Variants in EPHA5 observed in about 807,000 individuals in gnomAD.
The protein encoded by EPHA5 is EPH receptor A5, also known as ephrin type-A receptor 5.
A neutral mutation model predicts 105.0 loss-of-function variants in EPHA5; 60 were observed. That is an observed-to-expected ratio of 0.57 (90% CI 0.46 to 0.71). The LOEUF (loss-of-function observed/expected upper bound fraction) is 0.71. Ranked by LOEUF, EPHA5 falls within the 30% of genes least tolerant of loss-of-function variation. The pLI, the probability that EPHA5 is intolerant of heterozygous loss-of-function variation, is 0.00. For synonymous variants in EPHA5, 513 were observed against 449.1 expected, an observed-to-expected ratio of 1.14 and a Z score of -1.80; for missense variants, 1,218 against 1,274.7, an observed-to-expected ratio of 0.96 and a Z score of 0.68.
chr4:65,523,288 T>G (rs539649901), intron 3 of EPHA5, among the ~76,000 whole-genome samples: 1 of 152,072 alleles, frequency 6.6e-6, no homozygotes, highest in African/African-American at 2.4e-5. Flanking sequence ...TGCTCCGTGC[T>G]TCTTTAAGTA....
chr4:65,631,874 A>C (rs1167480205), intron 2 of EPHA5, among the ~76,000 whole-genome samples: 1 of 152,094 alleles, frequency 6.6e-6, no homozygotes, highest in Non-Finnish European at 1.5e-5. Flanking sequence ...ATTAATTTAT[A>C]TTGATTTTAA....
At chr4:65,574,034 G>C (rs1740526994) in intron 3 of EPHA5, 4 of 1,599,446 alleles carry the variant, frequency 2.5e-6, no homozygotes, top group Non-Finnish European at 3.4e-6. Flanking sequence ...GAACACACCA[G>C]AAATTTGTCA....
At chr4:65,376,195 TTAGAAATCTTTTC>T (rs1718986717) in intron 8 of EPHA5, among the ~76,000 whole-genome samples, 1 of 151,968 alleles carries the variant, frequency 6.6e-6, no homozygotes, top group Non-Finnish European at 1.5e-5. Flanking sequence ...CTAACATGCA[TTAGAAATCTTTTC>T]TTGGCAAATT....
intron 3 of EPHA5, among the ~76,000 whole-genome samples, chr4:65,553,888 T>C (rs559958390): frequency 2.6e-5 from 4 of 152,136 alleles, no homozygotes; most frequent in Admixed American, 6.6e-5. Flanking sequence ...CGCATCCTAA[T>C]AGAAAACTCT....
intron 3 of EPHA5, among the ~76,000 whole-genome samples, chr4:65,527,352 CG>C (rs1735334167): frequency 6.6e-6 from 1 of 152,066 alleles, no homozygotes; most frequent in African/African-American, 2.4e-5. Flanking sequence ...TCAAGTTATA[CG>C]TGAAATATTT....
chr4:65,577,975 G>A (rs1462733408), intron 3 of EPHA5, among the ~76,000 whole-genome samples: 1 of 152,180 alleles, frequency 6.6e-6, no homozygotes, highest in Non-Finnish European at 1.5e-5. Context: ...AGAATTTATA[G>A]CACTTAATTA....
chr4:65,437,541 T>C (rs1725593710), intron 5 of EPHA5, among the ~76,000 whole-genome samples: 2 of 151,992 alleles, frequency 1.3e-5, no homozygotes, highest in African/African-American at 4.8e-5. Context: ...CAAGAAATAA[T>C]ACATTTTCTT....
intron 3 of EPHA5, among the ~76,000 whole-genome samples, chr4:65,576,187 GA>G (rs1212644585): frequency 1.3e-5 from 2 of 148,414 alleles, no homozygotes; most frequent in Non-Finnish European, 3.0e-5. Flanking sequence ...AGGAAGGAAG[GA>G]AGGAAAATAA....
At chr4:65,530,434 G>GTGTGTT (rs950675149) in intron 3 of EPHA5, among the ~76,000 whole-genome samples, 4 of 151,450 alleles carry the variant, frequency 2.6e-5, no homozygotes, top group African/African-American at 7.3e-5. Context: ...GTGTGTGTGT[G>GTGTGTT]CGTGTTTATG....
rs534533641 is a variant in EPHA5, at chr4:65,324,201, T to C, written c.2964A>G (p.Gly988=). 7 of 1,608,998 alleles carry C rather than the reference T, an allele frequency of 4.4e-6. No individual in the cohort carries two copies. The highest frequency in any genetic ancestry group is 5.1e-6 in the Non-Finnish European group (6 of 1,176,646). The change falls in exon 17 of 17, where the codon GGA becomes GGG. Residue 988 remains glycine (G), a synonymous_variant. Coordinates refer to ENST00000613740, the MANE Select transcript of EPHA5 (RefSeq NM_001281766.3). Reference sequence around the variant, plus strand: ...TCTTCTGGTGACCGACAAGAGTCACTCCAAGCCGTCTCAAATCCCTGCATG... The same window carrying C: ...TCTTCTGGTGACCGACAAGAGTCACCCCAAGCCGTCTCAAATCCCTGCATG... ...QVTLEDLRRL[G]VTLVGHQKKI...
chr4:65,329,378 A>G (rs1417637092), intron 16 of EPHA5, among the ~76,000 whole-genome samples: 3 of 151,428 alleles, frequency 2.0e-5, no homozygotes, highest in African/African-American at 4.8e-5. Context: ...CGTACTGGCA[A>G]CAATCCATAT....
At chr4:65,349,498 G>A (rs1722615269) in intron 13 of EPHA5, among the ~76,000 whole-genome samples, 1 of 152,020 alleles carries the variant, frequency 6.6e-6, no homozygotes, top group African/African-American at 2.4e-5. Context: ...AGAGGTGAAG[G>A]TTTCCAATAT....
chr4:65,363,919 G>T (rs1271879163), intron 11 of EPHA5, among the ~76,000 whole-genome samples: 3 of 151,308 alleles, frequency 2.0e-5, no homozygotes, highest in African/African-American at 7.3e-5. Context: ...ATCCATTAAA[G>T]AATATCCTCA....
chr4:65,637,340 TTAAA>T (rs1368241326), intron 2 of EPHA5, among the ~76,000 whole-genome samples: 1 of 150,920 alleles, frequency 6.6e-6, no homozygotes, highest in African/African-American at 2.4e-5. Flanking sequence ...GATTGGTAAC[TTAAA>T]TGAATGAGGA....
intron 8 of EPHA5, among the ~76,000 whole-genome samples, chr4:65,369,829 T>C (rs1380393124): frequency 3.9e-5 from 6 of 152,164 alleles, no homozygotes; most frequent in African/African-American, 1.4e-4. Flanking sequence ...TAGCTAGGCA[T>C]GGTGGCAGGC....
chr4:65,477,062 G>A (rs556236928), intron 5 of EPHA5, among the ~76,000 whole-genome samples: 2 of 152,208 alleles, frequency 1.3e-5, no homozygotes, highest in South Asian at 2.1e-4. Flanking sequence ...TAACAATCAC[G>A]AGTGGTAAGA....
In EPHA5 at chr4:65,320,149, A is replaced by G. The variant is rs1365441420; in HGVS notation, c.*3965T>C. 4.3e-6 allele frequency: 1 copy of G among 230,366 alleles called. No individual in the cohort carries two copies. Among genetic ancestry groups the G allele is most frequent in the Non-Finnish European group, 8.6e-6 (1 of 116,140 alleles). 14.3% of individuals were successfully genotyped at this position (230,366 alleles called of 1,614,324 possible). On this transcript the variant is annotated 3_prime_UTR_variant, in exon 17 of 17. Coordinates refer to ENST00000613740, the MANE Select transcript of EPHA5 (RefSeq NM_001281766.3). ...TATGTGTGAAAAGATTTCTTCATAA[A>G]TGAATAAGAAATGAAAAGAAAGTTC...
chr4:65,485,005 G>A (rs985548455), intron 5 of EPHA5, among the ~76,000 whole-genome samples: 8 of 151,736 alleles, frequency 5.3e-5, no homozygotes, highest in African/African-American at 1.9e-4. Context: ...AGATTATCAT[G>A]TGTAAATCAA....
At chr4:65,434,946 G>A (rs1725336231) in intron 5 of EPHA5, among the ~76,000 whole-genome samples, 1 of 152,104 alleles carries the variant, frequency 6.6e-6, no homozygotes, top group African/African-American at 2.4e-5. Flanking sequence ...TCTTGTTTAA[G>A]ATATAGTGAT....
Sources: gnomAD v4.1 joint callset for allele counts (sites outside exome capture counted in the v4.1 genomes callset) on GRCh38, gnomAD v4.1.1 for gene constraint, MANE v1.5 for transcripts, NCBI Gene and HGNC (gene_info 2026-07-23, HGNC 2026-07-21) for gene names.